Variants in EXOC4 observed in about 807,000 individuals in gnomAD.
The protein encoded by EXOC4 is SEC8-like 1.
A neutral mutation model predicts 107.2 loss-of-function variants in EXOC4; 71 were observed. The ratio of observed to expected loss-of-function variants is 0.66; its 90% CI spans 0.55 to 0.81. The LOEUF (loss-of-function observed/expected upper bound fraction) is 0.81, where lower values mean the gene tolerates loss of function less well. Ranked by LOEUF, EXOC4 falls within the 30% of genes least tolerant of loss-of-function variation. EXOC4 has a pLI of 0.00. For missense variants in EXOC4, 1,108 were observed against 1,189.6 expected (o/e 0.93, Z 1.01); for synonymous variants, 456 against 441.2 (o/e 1.03, Z -0.42).
the EXOC4 span, among the ~76,000 whole-genome samples, chr7:134,073,227 A>AAAAAAAAAAAAAAAAAAAG: frequency 5.5e-5 from 1 of 18,132 alleles, no homozygotes; most frequent in African/African-American, 2.8e-4. Flanking sequence ...AAAAAAAAAA[A>AAAAAAAAAAAAAAAAAAAG]AAAAACAACA....
At chr7:133,538,649 T>C (rs1800318884) in intron 9 of EXOC4, among the ~76,000 whole-genome samples, 1 of 151,764 alleles carries the variant, frequency 6.6e-6, no homozygotes, top group Non-Finnish European at 1.5e-5. Context: ...GACCTTTGTT[T>C]CTACAAAAAA....
chr7:133,265,132 CA>C (rs966226895), intron 1 of EXOC4, among the ~76,000 whole-genome samples: 35 of 152,154 alleles, frequency 2.3e-4, no homozygotes, highest in African/African-American at 8.2e-4. Flanking sequence ...TGAGTAGCAA[CA>C]GGAATATTAT....
chr7:133,981,131 T>C (rs1466004038), intron 14 of EXOC4, among the ~76,000 whole-genome samples: 1 of 152,222 alleles, frequency 6.6e-6, no homozygotes, highest in Admixed American at 6.5e-5. Context: ...TTTTTACTTC[T>C]AACATGCTTC....
At chr7:133,528,914 C>T (rs1800129630) in intron 9 of EXOC4, among the ~76,000 whole-genome samples, 1 of 152,094 alleles carries the variant, frequency 6.6e-6, no homozygotes, top group Non-Finnish European at 1.5e-5. Context: ...GCACCTCTGG[C>T]TCTAGGGACC....
chr7:134,072,429 A>T, the EXOC4 span, among the ~76,000 whole-genome samples: 1 of 152,176 alleles, frequency 6.6e-6, no homozygotes, highest in Non-Finnish European at 1.5e-5. Flanking sequence ...GTCTCGCTGT[A>T]TCGCCCAGCC....
At chr7:133,761,623 C>A (rs1796034579) in intron 10 of EXOC4, among the ~76,000 whole-genome samples, 1 of 152,062 alleles carries the variant, frequency 6.6e-6, no homozygotes, top group Non-Finnish European at 1.5e-5. Context: ...ACTATGTTGC[C>A]TGGAAGATAA....
chr7:134,027,739 G>A (rs2116458411), intron 17 of EXOC4, among the ~76,000 whole-genome samples: 1 of 151,874 alleles, frequency 6.6e-6, no homozygotes, highest in South Asian at 2.1e-4. Context: ...AGAGCTCAGA[G>A]ACGGGATTTG....
At chr7:134,038,665 T>C (rs550464681) in intron 17 of EXOC4, among the ~76,000 whole-genome samples, 8 of 152,308 alleles carry the variant, frequency 5.3e-5, no homozygotes, top group African/African-American at 2.4e-5. Context: ...ATTTACCTTA[T>C]GTTCCTTCGC....
At chr7:133,442,121 T>A (rs2150793166) in intron 7 of EXOC4, among the ~76,000 whole-genome samples, 1 of 152,340 alleles carries the variant, frequency 6.6e-6, no homozygotes, top group Non-Finnish European at 1.5e-5. Context: ...TATTTTTTTG[T>A]GTATTATGTT....
chr7:133,484,106 A>T (rs768158310), intron 9 of EXOC4: 22 of 1,613,042 alleles, frequency 1.4e-5, no homozygotes, highest in Admixed American at 1.7e-5. Context: ...ATTTTACAAA[A>T]GTTAAGTTCC....
chr7:133,613,849 G>A (rs1802128304), intron 9 of EXOC4, among the ~76,000 whole-genome samples: 2 of 152,084 alleles, frequency 1.3e-5, no homozygotes, highest in African/African-American at 4.8e-5. Flanking sequence ...TATAAGAAAG[G>A]CATACCTATA....
chr7:133,576,582 C>T lies in EXOC4; in HGVS notation c.1418-53463C>T, dbSNP rs767630295. ...GGAGAGGATCCCAATAATCCCAGAT[C>T]TATAAAGCGGATTTCTCAAGGGGGT... On this transcript the variant is annotated intron_variant, in intron 9 of 17. Transcript: ENST00000253861. The T allele has an allele frequency of 2.3e-6, 3 of 1,289,784 alleles. No individual in the cohort carries two copies. In the South Asian group the frequency reaches 3.7e-5, roughly 16 times the overall value. The allele number at this position is 1,289,784 out of a possible 1,614,324, so 79.9% of individuals were successfully genotyped here.
At chr7:134,049,562 C>T (rs555204058) in intron 17 of EXOC4, among the ~76,000 whole-genome samples, 2 of 152,282 alleles carry the variant, frequency 1.3e-5, no homozygotes, top group African/African-American at 4.8e-5. Context: ...ACAACTTCTC[C>T]TTCTCTATTA....
At chr7:133,811,371 T>G (rs2151207665) in intron 10 of EXOC4, among the ~76,000 whole-genome samples, 2 of 152,330 alleles carry the variant, frequency 1.3e-5, no homozygotes, top group Admixed American at 1.3e-4. Flanking sequence ...AAAATTGGGC[T>G]TTTTGATTAT....
chr7:133,416,971 AAGAC>A (rs1186839749), intron 7 of EXOC4, among the ~76,000 whole-genome samples: 1 of 152,144 alleles, frequency 6.6e-6, no homozygotes, highest in Non-Finnish European at 1.5e-5. Context: ...GAAGAAATGA[AAGAC>A]AGATGTCTAA....
At chr7:133,888,955 G>T (rs539250538) in intron 11 of EXOC4, among the ~76,000 whole-genome samples, 82 of 152,288 alleles carry the variant, frequency 5.4e-4, no homozygotes, top group African/African-American at 1.7e-3. Flanking sequence ...GCACTTGTAA[G>T]AACCCTTTAA....
intron 10 of EXOC4, among the ~76,000 whole-genome samples, chr7:133,789,340 C>T (rs776323303): frequency 1.3e-5 from 2 of 152,170 alleles, no homozygotes; most frequent in Non-Finnish European, 2.9e-5. Flanking sequence ...CCATTTAGTG[C>T]GACTTTGCAT....
At chr7:133,608,516 G>GTTGTTATC (rs1237331975) in intron 9 of EXOC4, among the ~76,000 whole-genome samples, 4 of 148,352 alleles carry the variant, frequency 2.7e-5, no homozygotes, top group Non-Finnish European at 5.9e-5. Context: ...TTAATAAATG[G>GTTGTTATC]TTGTTATCTG....
intron 10 of EXOC4, among the ~76,000 whole-genome samples, chr7:133,803,082 T>G (rs979737034): frequency 1.1e-4 from 17 of 152,162 alleles, no homozygotes; most frequent in Admixed American, 3.3e-4. Context: ...GTTGCCATAA[T>G]TTTTTATTGT....
Sources: gnomAD v4.1 joint callset for allele counts (sites outside exome capture counted in the v4.1 genomes callset) on GRCh38, gnomAD v4.1.1 for gene constraint, MANE v1.5 for transcripts, NCBI Gene and HGNC (gene_info 2026-07-23, HGNC 2026-07-21) for gene names.